The following GUCY2C variants were observed in gnomAD, a reference collection of about 807,000 sequenced individuals.
The protein encoded by GUCY2C is guanylyl cyclase C.
A neutral mutation model predicts 131.1 loss-of-function variants in GUCY2C; 118 were observed. The ratio of observed to expected loss-of-function variants is 0.90; its 90% CI spans 0.78 to 1.05. GUCY2C has a LOEUF of 1.05. GUCY2C is among the 50% of genes least tolerant of loss of function. The pLI is 0.00. For synonymous variants in GUCY2C, 452 were observed against 457.8 expected, an observed-to-expected ratio of 0.99 and a Z score of 0.16; for missense variants, 1,161 against 1,304.4, an observed-to-expected ratio of 0.89 and a Z score of 1.69.
chr12:14,632,104 G>C (rs1009783400), intron 19 of GUCY2C, among the ~76,000 whole-genome samples: 24 of 152,136 alleles, frequency 1.6e-4, no homozygotes, highest in Non-Finnish European at 2.9e-4. Context: ...TTTGTTTGAG[G>C]TCATTGTAGA....
chr12:14,649,922 T>C (rs1336393243), intron 15 of GUCY2C, among the ~76,000 whole-genome samples: 1 of 152,182 alleles, frequency 6.6e-6, no homozygotes, highest in African/African-American at 2.4e-5. Flanking sequence ...TTGAAACAGA[T>C]TTCATGATTA....
At chr12:14,615,632 GATAT>G (rs145901435) in intron 25 of GUCY2C, among the ~76,000 whole-genome samples, 1 of 145,820 alleles carries the variant, frequency 6.9e-6, no homozygotes, top group African/African-American at 2.5e-5. Flanking sequence ...ATGAGTGATT[GATAT>G]ATATATATAT....
chr12:14,639,834 G>A (rs1487240057), intron 19 of GUCY2C, 28 bp downstream of exon 19: 1 of 1,322,228 alleles, frequency 7.6e-7, no homozygotes, highest in Non-Finnish European at 1.1e-6. Context: ...AGCAGGCCAA[G>A]GAAATGAATA....
At position 14,688,477 on chromosome 12, in the gene GUCY2C, G is replaced by A. The variant is rs555769623; in HGVS notation, c.218-414C>T. 3.3e-5 allele frequency among the ~76,000 whole-genome samples: 5 copies of A among 152,286 alleles called. No homozygotes were observed. The South Asian group carries it at 1.0e-3, about 32-fold the overall frequency. On this transcript the variant is annotated intron_variant, in intron 1 of 26. Coordinates refer to ENST00000261170, the MANE Select transcript of GUCY2C (RefSeq NM_004963.4). Reference sequence around the variant, plus strand: ...AGGTCTCCTGTATGGACTGGAGAGTGTTGGGAAGCAAAGACATAAACATTA... The same window carrying A: ...AGGTCTCCTGTATGGACTGGAGAGTATTGGGAAGCAAAGACATAAACATTA...
intron 22 of GUCY2C, 143 bp from the exon 23 acceptor site, chr12:14,621,359 G>A: frequency 1.5e-6 from 1 of 677,206 alleles, no homozygotes; most frequent in Middle Eastern, 4.2e-4. Context: ...TCTGGGGCCA[G>A]TTGGATCAGT....
At position 14,649,145 on chromosome 12, in the gene GUCY2C, C is replaced by T. The variant is rs183707758; in HGVS notation, c.1710+2262G>A. 5.3e-4 allele frequency among the ~76,000 whole-genome samples: 81 copies of T among 152,246 alleles called. 2 individuals carry two copies. Among genetic ancestry groups the T allele is most frequent in the Admixed American group, 4.9e-3 (75 of 15,298 alleles). ...TGCCAGAGAAGTCTTCCATGGCTAT[C>T]ATATCTTAAGTAGCATGACTCAGGT... is the stretch of plus-strand genomic sequence containing the variant. On this transcript the variant is annotated intron_variant, in intron 15 of 26. Coordinates refer to ENST00000261170, the MANE Select transcript of GUCY2C (RefSeq NM_004963.4).
intron 11 of GUCY2C, among the ~76,000 whole-genome samples, chr12:14,659,685 C>G (rs1277728524): frequency 6.6e-6 from 1 of 152,100 alleles, no homozygotes; most frequent in Non-Finnish European, 1.5e-5. Flanking sequence ...GCTCTGTACC[C>G]CAGGAGACTC....
intron 10 of GUCY2C, among the ~76,000 whole-genome samples, chr12:14,664,987 G>T (rs2137059513): frequency 6.6e-6 from 1 of 152,266 alleles, no homozygotes; most frequent in Non-Finnish European, 1.5e-5. Context: ...GCCAAGGCGG[G>T]TGGATCACGA....
At chr12:14,669,012 G>A (rs1440037478) in intron 10 of GUCY2C, among the ~76,000 whole-genome samples, 1 of 152,128 alleles carries the variant, frequency 6.6e-6, no homozygotes, top group African/African-American at 2.4e-5. Flanking sequence ...AGTATTTCTT[G>A]CTGAAATACA....
At chr12:14,663,630 A>G (rs1947913791) in intron 10 of GUCY2C, among the ~76,000 whole-genome samples, 1 of 152,214 alleles carries the variant, frequency 6.6e-6, no homozygotes, top group African/African-American at 2.4e-5. Context: ...AGGTGCCCCG[A>G]AAATGAGGTT....
intron 7 of GUCY2C, among the ~76,000 whole-genome samples, chr12:14,675,244 A>C (rs1223278316): frequency 1.4e-5 from 2 of 143,090 alleles, no homozygotes; most frequent in African/African-American, 5.2e-5. Flanking sequence ...AAAAGAAAGA[A>C]AGAAAGAAAA....
intron 9 of GUCY2C, among the ~76,000 whole-genome samples, chr12:14,671,733 C>T (rs1948115162): frequency 6.6e-6 from 1 of 152,218 alleles, no homozygotes; most frequent in Non-Finnish European, 1.5e-5. Context: ...GTTTCTGCCT[C>T]TCTCTGTGAA....
Position 14,643,714 on chromosome 12 carries a change from T to G in GUCY2C, c.1798-8A>C. ...GTGCAGATATGACATTCCCTGTAAT[T>G]TTTTAGATGATAGAAAAACAGAAAT... is the stretch of plus-strand genomic sequence containing the variant. On this transcript the variant is annotated splice_region_variant and splice_polypyrimidine_tract_variant and intron_variant, in intron 16 of 26. Transcript: ENST00000261170. 1 of 1,608,474 alleles carries G rather than the reference T, an allele frequency of 6.2e-7. No homozygotes were observed. Among genetic ancestry groups the G allele is most frequent in the Non-Finnish European group, 8.5e-7 (1 of 1,177,654 alleles).
chr12:14,690,399 A>C (rs570159543), intron 1 of GUCY2C, among the ~76,000 whole-genome samples: 8 of 152,312 alleles, frequency 5.3e-5, no homozygotes, highest in Non-Finnish European at 8.8e-5. Context: ...CTTGCTGGCG[A>C]TATCCCTGGG....
chr12:14,640,704 G>A (rs920565248), intron 18 of GUCY2C, among the ~76,000 whole-genome samples: 5 of 152,234 alleles, frequency 3.3e-5, no homozygotes, highest in South Asian at 2.1e-4. Flanking sequence ...GAGAGGACGT[G>A]TGGCCAAAAA....
chr12:14,650,272 G>A (rs181710170), intron 15 of GUCY2C, among the ~76,000 whole-genome samples: 1 of 151,932 alleles, frequency 6.6e-6, no homozygotes, highest in East Asian at 1.9e-4. Context: ...TTTTTGAGAC[G>A]GAGTCTCGCT....
chr12:14,688,126 C>A, intron 1 of GUCY2C, 63 bp from the exon 2 acceptor site: 3 of 1,004,778 alleles, frequency 3.0e-6, no homozygotes, highest in Non-Finnish European at 4.8e-6. Flanking sequence ...TTATATCAGC[C>A]ATGAGATTGA....
intron 11 of GUCY2C, among the ~76,000 whole-genome samples, chr12:14,657,252 GA>G (rs576068081): frequency 1.3e-5 from 2 of 151,998 alleles, no homozygotes; most frequent in Non-Finnish European, 2.9e-5. Flanking sequence ...AAAAATACAG[GA>G]AAAAAATGTA....
intron 11 of GUCY2C, among the ~76,000 whole-genome samples, chr12:14,659,313 G>A (rs1421907340): frequency 1.3e-5 from 2 of 152,136 alleles, no homozygotes; most frequent in Non-Finnish European, 2.9e-5. Context: ...AAAGTGCTGG[G>A]ATTACAGGTG....
Sources: allele counts gnomAD v4.1 joint callset (sites outside exome capture counted in the v4.1 genomes callset), GRCh38; gene constraint gnomAD v4.1.1; transcripts MANE v1.5; gene names NCBI Gene and HGNC (gene_info 2026-07-23, HGNC 2026-07-21).